The following TIAM1 variants were observed in gnomAD, a reference collection of about 807,000 sequenced individuals.
TIAM1 encodes the protein TIAM Rac1 associated GEF 1.
TIAM1 carries 65 observed loss-of-function variants against 163.5 expected under a neutral mutation model. The ratio of observed to expected loss-of-function variants is 0.40; its 90% CI spans 0.33 to 0.49. The LOEUF is 0.49. TIAM1 is among the 20% of genes least tolerant of loss of function. TIAM1 has a pLI of 0.77. For missense variants in TIAM1, 1,789 were observed against 2,044.7 expected (o/e 0.87, Z 2.41); for synonymous variants, 833 against 810.1 (o/e 1.03, Z -0.48).
rs566248205 is a variant in TIAM1 at position 31,395,534 on chromosome 21, G to A, written c.-368-56112C>T. 2.2e-4 allele frequency among the ~76,000 whole-genome samples: 33 copies of A among 152,246 alleles called. No individual in the cohort carries two copies. The South Asian group carries it at 6.2e-3, about 29-fold the overall frequency. ...GATACGCCACAGAGGCGAAGAGAAG[G>A]GCCAACCCTGCATTTTCTGCCACAG... On this transcript the variant is annotated intron_variant, in intron 2 of 28. Coordinates refer to the TIAM1 transcript ENST00000286827. This position sits in a 1 kb window ranked among gnomAD's most constrained non-coding sequence, Gnocchi z 7.5.
chr21:31,310,350 G>A (rs1237117155), intron 2 of TIAM1, among the ~76,000 whole-genome samples: 2 of 152,174 alleles, frequency 1.3e-5, no homozygotes, highest in African/African-American at 2.4e-5. Flanking sequence ...ACCACATGGC[G>A]AGAGAGAAAG....
chr21:31,302,635 A>G (rs968364766), intron 2 of TIAM1, among the ~76,000 whole-genome samples: 1 of 152,240 alleles, frequency 6.6e-6, no homozygotes, highest in African/African-American at 2.4e-5. Context: ...AAAAGCCAGG[A>G]TGCTGCATAA....
intron 1 of TIAM1, among the ~76,000 whole-genome samples, chr21:31,558,565 G>A (rs1013742706): frequency 6.6e-6 from 1 of 152,212 alleles, no homozygotes; most frequent in East Asian, 1.9e-4. Context: ...AAAGTGCCGC[G>A]GCCGCCGCAG....
chr21:31,417,194 T>G (rs2043403349), intron 2 of TIAM1, among the ~76,000 whole-genome samples: 1 of 152,118 alleles, frequency 6.6e-6, no homozygotes, highest in African/African-American at 2.4e-5. Context: ...GGCTAATTTT[T>G]TGTATTTAGT....
chr21:31,434,894 AG>A (rs1298980286), intron 2 of TIAM1, among the ~76,000 whole-genome samples: 1 of 152,236 alleles, frequency 6.6e-6, no homozygotes, highest in Non-Finnish European at 1.5e-5. Context: ...GGCACTCAGT[AG>A]GCATGCAATG....
intron 2 of TIAM1, among the ~76,000 whole-genome samples, chr21:31,443,179 G>A (rs1337144981): frequency 6.6e-6 from 1 of 152,190 alleles, no homozygotes; most frequent in Non-Finnish European, 1.5e-5. Flanking sequence ...TTACAAAAGT[G>A]CCCAACATGG....
At chr21:31,178,487 T>C (rs2084870640) in intron 15 of TIAM1, among the ~76,000 whole-genome samples, 1 of 151,932 alleles carries the variant, frequency 6.6e-6, no homozygotes, top group Non-Finnish European at 1.5e-5. Flanking sequence ...TTTGTATTTT[T>C]AGTAGAGACG....
At chr21:31,281,223 C>T (rs535279685) in intron 2 of TIAM1, among the ~76,000 whole-genome samples, 1 of 151,886 alleles carries the variant, frequency 6.6e-6, no homozygotes, top group Non-Finnish European at 1.5e-5. Context: ...CTCAAAATAC[C>T]CAGGTTCAAT....
intron 2 of TIAM1, among the ~76,000 whole-genome samples, chr21:31,301,859 G>A (rs28478608): frequency 2.7e-5 from 4 of 146,334 alleles, no homozygotes; most frequent in South Asian, 2.1e-4. Context: ...TAGATAAATA[G>A]ATAAATAAAT....
intron 2 of TIAM1, among the ~76,000 whole-genome samples, chr21:31,369,015 G>A (rs113463381): frequency 2.0e-5 from 3 of 151,936 alleles, no homozygotes; most frequent in Non-Finnish European, 2.9e-5. Context: ...CGAGGCGGGC[G>A]GATCACGAGG....
At chr21:31,337,467 A>C (rs2147084414) in intron 2 of TIAM1, among the ~76,000 whole-genome samples, 1 of 152,100 alleles carries the variant, frequency 6.6e-6, no homozygotes, top group African/African-American at 2.4e-5. Flanking sequence ...GAACATGGAC[A>C]GCCGGTGCTC....
chr21:31,497,636 G>A (rs951099537), intron 1 of TIAM1, among the ~76,000 whole-genome samples: 1 of 152,162 alleles, frequency 6.6e-6, no homozygotes, highest in Admixed American at 6.5e-5. Flanking sequence ...TGAACATATT[G>A]TGTATTCAAA....
intron 1 of TIAM1, among the ~76,000 whole-genome samples, chr21:31,492,862 A>T (rs2046518223): frequency 6.6e-6 from 1 of 152,014 alleles, no homozygotes; most frequent in South Asian, 2.1e-4. Context: ...ATATATACTG[A>T]TTCCAAAAGA....
At chr21:31,471,060 C>G (rs1260580625) in intron 1 of TIAM1, among the ~76,000 whole-genome samples, 1 of 152,236 alleles carries the variant, frequency 6.6e-6, no homozygotes, top group Non-Finnish European at 1.5e-5. Context: ...AAAAGCAGTT[C>G]CGGGGCTGGG....
chr21:31,347,829 G>A (rs561004489), upstream of TIAM1, among the ~76,000 whole-genome samples: 2 of 145,650 alleles, frequency 1.4e-5, no homozygotes, highest in Non-Finnish European at 2.9e-5. Context: ...CGAACGTTCA[G>A]AGAAACTGCA....
intron 23 of TIAM1, among the ~76,000 whole-genome samples, 177 bp downstream of exon 23, chr21:31,135,756 T>C (rs1023243335): frequency 6.6e-6 from 1 of 152,224 alleles, no homozygotes; most frequent in Admixed American, 6.5e-5. Flanking sequence ...TAGGGCAATT[T>C]AACTCGAAGG....
intron 1 of TIAM1, among the ~76,000 whole-genome samples, chr21:31,525,932 G>A (rs1602491424): frequency 1.3e-5 from 2 of 151,726 alleles, no homozygotes; most frequent in East Asian, 3.9e-4. Context: ...TACTCGAGAG[G>A]CTGAGGCAGG....
chr21:31,523,946 C>G (rs1428540545), intron 1 of TIAM1, among the ~76,000 whole-genome samples: 1 of 150,656 alleles, frequency 6.6e-6, no homozygotes, highest in Non-Finnish European at 1.5e-5. Context: ...AGTATGTACT[C>G]TGCCTGCTCT....
chr21:31,285,236 T>C (rs9975545), intron 2 of TIAM1, among the ~76,000 whole-genome samples: 2,573 of 152,032 alleles, frequency 0.017, 37 homozygotes, highest in Middle Eastern at 0.034. Flanking sequence ...CACAGAGGGG[T>C]GTGGCCACTC....
Sources: allele counts gnomAD v4.1 joint callset (sites outside exome capture counted in the v4.1 genomes callset), GRCh38; gene constraint gnomAD v4.1.1; non-coding constraint Gnocchi (gnomAD v3.1); transcripts MANE v1.5; gene names NCBI Gene and HGNC (gene_info 2026-07-23, HGNC 2026-07-21).